HYDIN: variants seen among roughly 807,000 people sequenced by gnomAD.
The protein encoded by HYDIN is HYDIN axonemal central pair apparatus protein.
A neutral mutation model predicts 403.9 loss-of-function variants in HYDIN; 132 were observed. That is an observed-to-expected ratio of 0.33 (90% CI 0.28 to 0.38). HYDIN has a LOEUF of 0.38. Among genes scored for constraint, HYDIN ranks in the 10% least tolerant of loss-of-function variants. The pLI, the probability that HYDIN is intolerant of heterozygous loss-of-function variation, is 1.00. For missense variants in HYDIN, 2,827 were observed against 5,009.5 expected (o/e 0.56, Z 13.15); for synonymous variants, 1,202 against 1,891.7 (o/e 0.64, Z 9.46).
chr16:70,851,203 CAAAA>C (rs4028101), intron 73 of HYDIN, among the ~76,000 whole-genome samples: 4 of 22,164 alleles, frequency 1.8e-4, no homozygotes, highest in Non-Finnish European at 3.2e-4. Flanking sequence ...ATCAATCCTG[CAAAA>C]AAAAAAAAAA....
chr16:70,961,825 C>G, intron 38 of HYDIN, 134 bp downstream of exon 38: 4 of 568,164 alleles, frequency 7.0e-6, no homozygotes, highest in Non-Finnish European at 1.2e-5. Flanking sequence ...CTCCGGAGGG[C>G]AGCTGTGGTG....
intron 45 of HYDIN, among the ~76,000 whole-genome samples, chr16:70,934,678 T>A (rs2143857938): frequency 1.3e-5 from 2 of 149,786 alleles, no homozygotes; most frequent in South Asian, 4.3e-4. Flanking sequence ...CACAAGCCTG[T>A]CTCCAAATGG....
chr16:71,176,549 C>A (rs186703234), intron 4 of HYDIN, among the ~76,000 whole-genome samples: 1 of 152,102 alleles, frequency 6.6e-6, no homozygotes, highest in African/African-American at 2.4e-5. Context: ...TACAGTAGTA[C>A]AGCTCCACCA....
chr16:71,100,287 T>C (rs534298574), intron 10 of HYDIN, among the ~76,000 whole-genome samples: 1 of 152,216 alleles, frequency 6.6e-6, no homozygotes, highest in Non-Finnish European at 1.5e-5. Flanking sequence ...AAAAGGAAGA[T>C]TCAATGTCAT....
At position 71,154,313 on chromosome 16, in the gene HYDIN, G is replaced by A. The variant is rs377437048; in HGVS notation, c.717-1530C>T. The stretch of plus-strand genomic sequence containing the variant: ...ACACAGTAGGTATATATATTTATGG[G>A]GTACGTGAGATGTTTTGATACAGGC... On this transcript the variant is annotated intron_variant, in intron 6 of 85. Coordinates refer to ENST00000393567, the MANE Select transcript of HYDIN (RefSeq NM_001270974.2). Among the ~76,000 whole-genome samples the A allele has an allele frequency of 1.5e-3, 229 of 147,802 alleles. 1 individual carries two copies. Among genetic ancestry groups the A allele is most frequent in the African/African-American group, 5.6e-3 (222 of 39,796 alleles).
chr16:70,960,892 C>T (rs1011623298), intron 38 of HYDIN, among the ~76,000 whole-genome samples: 2 of 152,176 alleles, frequency 1.3e-5, no homozygotes, highest in African/African-American at 2.4e-5. Flanking sequence ...AGGGTTTCAT[C>T]GTGTCAGCCA....
At chr16:71,034,963 TTGTC>T (rs1321468796) in intron 18 of HYDIN, among the ~76,000 whole-genome samples, 1 of 128,142 alleles carries the variant, frequency 7.8e-6, no homozygotes, top group Non-Finnish European at 1.6e-5. Context: ...GTTTGTATCA[TTGTC>T]TGTATTCAAA....
At chr16:70,959,602 A>G (rs7198975) in intron 39 of HYDIN, 45 bp downstream of exon 39, 81,783 of 552,920 alleles carry the variant, frequency 0.15, 13,166 homozygotes, top group African/African-American at 0.57. Context: ...TACAGAGAAG[A>G]CATGGCACTG....
At chr16:71,223,767 C>T (rs2040908206) in intron 1 of HYDIN, among the ~76,000 whole-genome samples, 1 of 151,956 alleles carries the variant, frequency 6.6e-6, no homozygotes, top group African/African-American at 2.4e-5. Context: ...AAATTAAAAC[C>T]ACAATGAGAT....
intron 18 of HYDIN, among the ~76,000 whole-genome samples, chr16:71,039,283 C>G (rs2144188649): frequency 6.6e-6 from 1 of 152,308 alleles, no homozygotes; most frequent in South Asian, 2.1e-4. Flanking sequence ...AGATTACATG[C>G]TCAGTCAGTG....
chr16:70,899,019 C>G (rs999935572), intron 53 of HYDIN, among the ~76,000 whole-genome samples: 9 of 152,148 alleles, frequency 5.9e-5, no homozygotes, highest in Admixed American at 5.9e-4. Context: ...GATCTACCCA[C>G]CTAGGCCTCC....
intron 18 of HYDIN, among the ~76,000 whole-genome samples, chr16:71,047,786 C>G (rs1255978878): frequency 2.7e-5 from 4 of 150,526 alleles, no homozygotes; most frequent in Non-Finnish European, 5.9e-5. Flanking sequence ...ATACAATGTG[C>G]AATGATCAAA....
At position 71,134,084 on chromosome 16, in the gene HYDIN, T is replaced by C. The variant is rs1395863394; in HGVS notation, c.1043+3067A>G. Among the ~76,000 whole-genome samples, 4 of 151,966 alleles carry C rather than the reference T, an allele frequency of 2.6e-5. 1 individual carries two copies. Among genetic ancestry groups the C allele is most frequent in the East Asian group, 1.9e-4 (1 of 5,186 alleles). On this transcript the variant is annotated intron_variant, in intron 8 of 85. Transcript: ENST00000393567. ...CAAACAGTAAACTGCTGGAAACGAATTGGTATTCCTGGGGCTGAAATTCCT... is the reference window on the plus strand; with the variant it reads ...CAAACAGTAAACTGCTGGAAACGAACTGGTATTCCTGGGGCTGAAATTCCT...
At position 71,227,556 on chromosome 16, in the gene HYDIN, C is replaced by T. The variant is rs1252032653; in HGVS notation, c.-24+3006G>A. Reference sequence around the variant, plus strand: ...GAGAGCCAAATCATGAGTGAACTCCCATTCACAATTGCTTCAAAGAGAATA... The same window carrying T: ...GAGAGCCAAATCATGAGTGAACTCCTATTCACAATTGCTTCAAAGAGAATA... On this transcript the variant is annotated intron_variant, in intron 1 of 85. Coordinates refer to ENST00000393567, the MANE Select transcript of HYDIN (RefSeq NM_001270974.2). Among the ~76,000 whole-genome samples the T allele has an allele frequency of 3.9e-5, 6 of 152,232 alleles. No individual in the cohort carries two copies. The East Asian group carries it at 1.2e-3, about 29-fold the overall frequency.
intron 1 of HYDIN, among the ~76,000 whole-genome samples, chr16:71,215,794 A>C (rs560653983): frequency 6.7e-6 from 1 of 150,340 alleles, no homozygotes; most frequent in South Asian, 2.1e-4. Context: ...AAAAAAAAAC[A>C]GACAATCCAA....
intron 8 of HYDIN, among the ~76,000 whole-genome samples, chr16:71,130,968 T>C (rs1260568319): frequency 2.3e-5 from 3 of 130,272 alleles, no homozygotes; most frequent in Non-Finnish European, 4.8e-5. Context: ...CAGAGCTATG[T>C]TCACATTTCT....
chr16:71,072,650 T>C (rs2082503272), intron 13 of HYDIN, among the ~76,000 whole-genome samples: 1 of 151,980 alleles, frequency 6.6e-6, no homozygotes, highest in African/African-American at 2.4e-5. Context: ...GTTTTACCTT[T>C]AGCTCTGATG....
intron 41 of HYDIN, among the ~76,000 whole-genome samples, chr16:70,948,442 C>A (rs576332214): frequency 0.012 from 1,790 of 150,596 alleles, 10 homozygotes; most frequent in Non-Finnish European, 0.018. Context: ...GCAACAAAAG[C>A]CAAAATTGAC....
intron 17 of HYDIN, among the ~76,000 whole-genome samples, chr16:71,061,334 C>T (rs1469033225): frequency 6.6e-6 from 1 of 151,342 alleles, no homozygotes; most frequent in African/African-American, 2.4e-5. Context: ...TTATTTACGG[C>T]ATCTTATATG....
Sources: allele counts gnomAD v4.1 joint callset (sites outside exome capture counted in the v4.1 genomes callset), GRCh38; gene constraint gnomAD v4.1.1; transcripts MANE v1.5; gene names NCBI Gene and HGNC (gene_info 2026-07-23, HGNC 2026-07-21).